Variants in LSM8 observed in about 807,000 individuals in gnomAD.
The protein encoded by LSM8 is LSM8 homolog, U6 small nuclear RNA associated.
In LSM8, 14 loss-of-function variants were observed where a neutral mutation model predicts 15.0. That is an observed-to-expected ratio of 0.93 (90% CI 0.62 to 1.46). The LOEUF (loss-of-function observed/expected upper bound fraction) is 1.46. LSM8 is among the 40% of genes most tolerant of loss of function. The pLI is 0.00. For synonymous variants in LSM8, 50 were observed against 42.1 expected, an observed-to-expected ratio of 1.19 and a Z score of -0.73; for missense variants, 90 against 115.4, an observed-to-expected ratio of 0.78 and a Z score of 1.01.
chr7:118,185,761 C>T, intron 2 of LSM8, 67 bp downstream of exon 2: 1 of 1,428,820 alleles, frequency 7.0e-7, no homozygotes, highest in Non-Finnish European at 9.9e-7. Flanking sequence ...TTATGTGAAA[C>T]CTCTAATCTC....
rs1185614869 is a variant in LSM8 at position 118,202,768 on chromosome 7, A to G, written c.*10766A>G. 2.0e-5 allele frequency among the ~76,000 whole-genome samples: 3 copies of G among 151,896 alleles called. No individual in the cohort carries two copies. The highest frequency in any genetic ancestry group is 2.9e-5 in the Non-Finnish European group (2 of 67,914). ...GGGGTGAACAACCAACAATGCTGCC[A>G]TTGTGCTAGTATAGAAGCAAGTATC... On this transcript the variant is annotated 3_prime_UTR_variant, in exon 4 of 4. Coordinates refer to ENST00000249299, the MANE Select transcript of LSM8 (RefSeq NM_016200.5).
chr7:118,187,006 T>A (rs1808899825), intron 2 of LSM8, among the ~76,000 whole-genome samples: 1 of 152,228 alleles, frequency 6.6e-6, no homozygotes, highest in African/African-American at 2.4e-5. Flanking sequence ...AAAAAGCATC[T>A]TAAGTTCTAA....
chr7:118,188,204 G>C (rs781473199), intron 2 of LSM8, 74 bp from the exon 3 acceptor site: 1 of 1,530,136 alleles, frequency 6.5e-7, no homozygotes. Context: ...CAACTAAAAT[G>C]ACTGTGAGGT....
chr7:118,194,579 G>A lies in LSM8; in HGVS notation c.*2577G>A, dbSNP rs1231198069. ...TATAACATCCTTCGGAATTTTTAAGGTAATAATGTGAGATATAAGTATGAT... is the reference window on the plus strand; with the variant it reads ...TATAACATCCTTCGGAATTTTTAAGATAATAATGTGAGATATAAGTATGAT... On this transcript the variant is annotated 3_prime_UTR_variant, in exon 4 of 4. Transcript: ENST00000249299. Among the ~76,000 whole-genome samples the A allele has an allele frequency of 6.6e-6, 1 of 152,018 alleles. No homozygotes were observed. The highest frequency in any genetic ancestry group is 1.5e-5 in the Non-Finnish European group (1 of 67,982).
Position 118,198,432 on chromosome 7 carries a change from A to AT in LSM8, c.*6432dup, listed in dbSNP as rs1383486984. Reference sequence around the variant, plus strand: ...AAAGAAGAATAAACCTTAACAACTCATTAGTAATCCTTCATTTCCTGAGTA... The same window carrying AT: ...AAAGAAGAATAAACCTTAACAACTCATTTAGTAATCCTTCATTTCCTGAGTA... On this transcript the variant is annotated 3_prime_UTR_variant, in exon 4 of 4. Coordinates refer to ENST00000249299, the MANE Select transcript of LSM8 (RefSeq NM_016200.5). Among the ~76,000 whole-genome samples the AT allele has an allele frequency of 3.9e-5, 6 of 152,174 alleles. No homozygotes were observed. Among genetic ancestry groups the AT allele is most frequent in the African/African-American group, 1.4e-4 (6 of 41,468 alleles).
intron 2 of LSM8, among the ~76,000 whole-genome samples, chr7:118,186,162 ACTCT>A (rs967024520): frequency 5.9e-5 from 9 of 151,844 alleles, no homozygotes; most frequent in African/African-American, 1.9e-4. Context: ...ATGATGATTG[ACTCT>A]CTATATATAC....
In LSM8 at chr7:118,200,594, T is replaced by C. The variant is rs1413066470; in HGVS notation, c.*8592T>C. 2.0e-5 allele frequency among the ~76,000 whole-genome samples: 3 copies of C among 152,140 alleles called. No homozygotes were observed. The highest frequency in any genetic ancestry group is 4.8e-5 in the African/African-American group (2 of 41,440). ...GAACATGGCTAACCATTCAGGACCA[T>C]TTAATTATCAAATTATTAATGATTC... On this transcript the variant is annotated 3_prime_UTR_variant, in exon 4 of 4. Transcript: ENST00000249299.
In LSM8 at chr7:118,199,801, T is replaced by C. The variant is rs374273684; in HGVS notation, c.*7799T>C. Reference sequence around the variant, plus strand: ...AGTAAATACTGACATGGTGAAGATATGTATTGGGTGATATGAGAGCCCATA... The same window carrying C: ...AGTAAATACTGACATGGTGAAGATACGTATTGGGTGATATGAGAGCCCATA... On this transcript the variant is annotated 3_prime_UTR_variant, in exon 4 of 4. Transcript: ENST00000249299. Among the ~76,000 whole-genome samples, 1 of 152,124 alleles carries C rather than the reference T, an allele frequency of 6.6e-6. No homozygotes were observed. The highest frequency in any genetic ancestry group is 2.4e-5 in the African/African-American group (1 of 41,448).
Position 118,193,878 on chromosome 7 carries a change from G to T in LSM8, c.*1876G>T, listed in dbSNP as rs1424949328. On this transcript the variant is annotated 3_prime_UTR_variant, in exon 4 of 4. Coordinates refer to ENST00000249299, the MANE Select transcript of LSM8 (RefSeq NM_016200.5). ...AACCAGTCCTGTCCCTCATGATAAT[G>T]GGTTTCTAATGTGATGTATTCTTGC... 2.0e-5 allele frequency among the ~76,000 whole-genome samples: 3 copies of T among 152,002 alleles called. No homozygotes were observed. Among genetic ancestry groups the T allele is most frequent in the African/African-American group, 7.2e-5 (3 of 41,410 alleles).
At position 118,200,696 on chromosome 7, in the gene LSM8, T is replaced by A. The variant is rs1809158802; in HGVS notation, c.*8694T>A. On this transcript the variant is annotated 3_prime_UTR_variant, in exon 4 of 4. Transcript: ENST00000249299. ...ATGGAATTCAAATTTAATTAATTGA[T>A]AAATCACATTGTACTTTATAAGAGT... Among the ~76,000 whole-genome samples the A allele has an allele frequency of 6.6e-6, 1 of 152,146 alleles. No homozygotes were observed. The highest frequency in any genetic ancestry group is 2.1e-4 in the South Asian group (1 of 4,832).
Position 118,191,899 on chromosome 7 carries a change from C to CT in LSM8, c.201-12dup. Reference sequence around the variant, plus strand: ...TTTCAGAAATGTGATTGTTTTAACTCTGACTTTTTTAGTGCAGTCATTGGA... The same window carrying CT: ...TTTCAGAAATGTGATTGTTTTAACTCTTGACTTTTTTAGTGCAGTCATTGGA... On this transcript the variant is annotated splice_polypyrimidine_tract_variant and intron_variant, in intron 3 of 3. Coordinates refer to ENST00000249299, the MANE Select transcript of LSM8 (RefSeq NM_016200.5). 6.3e-7 allele frequency: 1 copy of CT among 1,590,950 alleles called. No individual in the cohort carries two copies.
intron 3 of LSM8, 108 bp downstream of exon 3, chr7:118,188,513 T>A (rs962225658): frequency 1.1e-5 from 11 of 998,596 alleles, no homozygotes; most frequent in Non-Finnish European, 1.6e-5. Context: ...GTTAATAGAA[T>A]CTTGCATTCA....
rs117395933 is a variant in LSM8 at position 118,197,289 on chromosome 7, A to G, written c.*5287A>G. ...TTACATTTGAAATACGTTAAAAAGA[A>G]TCCAGGAGTCAGGGTGGGTGGGGAG... On this transcript the variant is annotated 3_prime_UTR_variant, in exon 4 of 4. Transcript: ENST00000249299. Among the ~76,000 whole-genome samples the G allele has an allele frequency of 9.7e-3, 1,483 of 152,120 alleles. 12 individuals carry two copies. The highest frequency in any genetic ancestry group is 0.062 in the Middle Eastern group (18 of 292).
intron 3 of LSM8, chr7:118,189,542 C>G (rs1808941701): frequency 6.6e-6 from 1 of 152,156 alleles, no homozygotes; most frequent in Non-Finnish European, 1.5e-5. Context: ...GAGCAAAACT[C>G]CGTGTCAAAA....
In LSM8 at chr7:118,184,178, T is replaced by A. The variant is rs766214184; in HGVS notation, c.-46T>A. ...TCTGGCGCGCCCTTTCAGTTCTGCT[T>A]GCTGTCGGCACCGCTGCGTTACCCG... is the stretch of plus-strand genomic sequence containing the variant. On this transcript the variant is annotated 5_prime_UTR_variant, in exon 1 of 4. Coordinates refer to ENST00000249299, the MANE Select transcript of LSM8 (RefSeq NM_016200.5). The A allele has an allele frequency of 6.5e-7, 1 of 1,544,282 alleles. No individual in the cohort carries two copies. The highest frequency in any genetic ancestry group is 2.0e-5 in the Admixed American group (1 of 50,536).
intron 1 of LSM8, 164 bp from the exon 2 acceptor site, chr7:118,185,490 G>A (rs1246518289): frequency 8.1e-6 from 5 of 616,996 alleles, no homozygotes; most frequent in Admixed American, 2.9e-5. Flanking sequence ...TCCTGCCTTG[G>A]CGTCTAAGAA....
At position 118,197,629 on chromosome 7, in the gene LSM8, C is replaced by T. The variant is rs372362986; in HGVS notation, c.*5627C>T. On this transcript the variant is annotated 3_prime_UTR_variant, in exon 4 of 4. Transcript: ENST00000249299. ...TTTAAATTTTTATTTTAAAAAATAG[C>T]TCTCTGAATCTGACTTGGATAAGCT... Among the ~76,000 whole-genome samples, 6 of 151,938 alleles carry T rather than the reference C, an allele frequency of 3.9e-5. No individual in the cohort carries two copies. The East Asian group carries it at 9.6e-4, about 24-fold the overall frequency.
chr7:118,184,921 G>A (rs1808860774), intron 1 of LSM8: 1 of 152,150 alleles, frequency 6.6e-6, no homozygotes, highest in Non-Finnish European at 1.5e-5. Flanking sequence ...ATGCGTTATT[G>A]GTACCCTGTG....
chr7:118,192,171 T>C lies in LSM8; in HGVS notation c.*169T>C. 2.3e-6 allele frequency: 1 copy of C among 425,974 alleles called. No homozygotes were observed. Among genetic ancestry groups the C allele is most frequent in the Middle Eastern group, 6.5e-4 (1 of 1,550 alleles). The allele number at this position is 425,974 out of a possible 1,614,324, so 26.4% of individuals were successfully genotyped here. A position where few individuals can be genotyped will look rare whatever the true frequency, so the allele number is the denominator to read the frequency against. ...CATTTTATTGAAAAAAAAACCTTTT[T>C]TTTTGCCTAAATATAAGTTTGGTAG... On this transcript the variant is annotated 3_prime_UTR_variant, in exon 4 of 4. Coordinates refer to ENST00000249299, the MANE Select transcript of LSM8 (RefSeq NM_016200.5).
Sources: gnomAD v4.1 joint callset for allele counts (sites outside exome capture counted in the v4.1 genomes callset) on GRCh38, gnomAD v4.1.1 for gene constraint, MANE v1.5 for transcripts, NCBI Gene and HGNC (gene_info 2026-07-23, HGNC 2026-07-21) for gene names.